DCT: variants seen among roughly 807,000 people sequenced by gnomAD.
The protein encoded by DCT is L-dopachrome tautomerase.
DCT carries 47 observed loss-of-function variants against 53.0 expected under a neutral mutation model. The observed-to-expected ratio is 0.89, with a 90% confidence interval of 0.70 to 1.13. The LOEUF is 1.13. Ranked by LOEUF, DCT falls within the 50% of genes most tolerant of loss-of-function variation. The pLI is 0.00. For synonymous variants in DCT, 244 were observed against 237.0 expected (o/e 1.03, Z -0.27); for missense variants, 669 against 637.4 (o/e 1.05, Z -0.53).
intron 4 of DCT, among the ~76,000 whole-genome samples, chr13:94,463,269 TG>T (rs937595905): frequency 1.3e-4 from 19 of 150,606 alleles, no homozygotes; most frequent in African/African-American, 4.7e-4. Context: ...CCCCAGTAGC[TG>T]GGACTACTGG....
chr13:94,445,388 T>A (rs1882648841), intron 6 of DCT, among the ~76,000 whole-genome samples: 1 of 152,224 alleles, frequency 6.6e-6, no homozygotes, highest in African/African-American at 2.4e-5. Context: ...CCAGCTGTCC[T>A]GAGGCAGCCA....
At chr13:94,541,628 A>G in the DCT span, among the ~76,000 whole-genome samples, 1 of 152,222 alleles carries the variant, frequency 6.6e-6, no homozygotes, top group Admixed American at 6.5e-5. Flanking sequence ...AAAAACTGCA[A>G]TTACTTCTGC....
Position 94,465,789 on chromosome 13 carries a change from C to T in DCT, c.707G>A (p.Gly236Asp), listed in dbSNP as rs759890417. 2.5e-6 allele frequency: 4 copies of T among 1,609,306 alleles called. No individual in the cohort carries two copies. The East Asian group carries it at 9.0e-5, about 36-fold the overall frequency. ...CLERDLQRLI[G>D]NESFALPYWN... ...GTAGGGCAAAGCAAAAGACTCATTG[C>T]CAATGAGTCGCTAAAAGCAAAGGGC... Residue 236 changes from glycine (G) to aspartate (D), a missense_variant, in exon 4 of 8, where the codon GGC (glycine) becomes GAC (aspartate). Coordinates refer to ENST00000377028, the MANE Select transcript of DCT (RefSeq NM_001922.5).
chr13:94,441,548 A>G (rs770602088), intron 7 of DCT, among the ~76,000 whole-genome samples: 2 of 152,058 alleles, frequency 1.3e-5, no homozygotes, highest in African/African-American at 4.8e-5. Context: ...CCTGGTAACC[A>G]GGGGTCTCTA....
chr13:94,456,395 C>CT (rs1883416900), intron 6 of DCT, among the ~76,000 whole-genome samples: 1 of 152,048 alleles, frequency 6.6e-6, no homozygotes. Flanking sequence ...TTCATAGCTC[C>CT]TTTTTTTGTA....
chr13:94,530,188 C>T, the DCT span, among the ~76,000 whole-genome samples: 17 of 152,304 alleles, frequency 1.1e-4, no homozygotes, highest in South Asian at 2.1e-4. Flanking sequence ...GATGGATACA[C>T]AGCCGAATTC....
At chr13:94,469,076 AG>A (rs767470872) in intron 1 of DCT, 31 bp from the exon 2 acceptor site, 2 of 1,580,544 alleles carry the variant, frequency 1.3e-6, no homozygotes. Flanking sequence ...ATGGAAAGGA[AG>A]GGGGTTTATG....
chr13:94,475,979 G>A (rs566895541), intron 1 of DCT, among the ~76,000 whole-genome samples: 11 of 152,268 alleles, frequency 7.2e-5, no homozygotes, highest in Admixed American at 6.5e-4. Context: ...CAGATCACGG[G>A]GGGAGGTGAG....
At chr13:94,513,519 A>T in the DCT span, among the ~76,000 whole-genome samples, 1 of 152,164 alleles carries the variant, frequency 6.6e-6, no homozygotes. Context: ...TATATGAAAC[A>T]ATGGGCAGCA....
the DCT span, among the ~76,000 whole-genome samples, chr13:94,516,874 A>C: frequency 1.4e-4 from 22 of 152,322 alleles, 1 homozygote; most frequent in East Asian, 1.9e-3. Flanking sequence ...TAAATTACCC[A>C]GTTTCAGGTA....
chr13:94,549,231 A>G, the DCT span, among the ~76,000 whole-genome samples: 1 of 152,202 alleles, frequency 6.6e-6, no homozygotes, highest in Non-Finnish European at 1.5e-5. Flanking sequence ...TCAAATTCGG[A>G]TACTTAGAAG....
At chr13:94,501,285 T>TA in the DCT span, among the ~76,000 whole-genome samples, 1 of 151,870 alleles carries the variant, frequency 6.6e-6, no homozygotes, top group African/African-American at 2.4e-5. Flanking sequence ...ATAAATAAAT[T>TA]AATTAATTAA....
At chr13:94,489,431 C>T in the DCT span, among the ~76,000 whole-genome samples, 1 of 152,162 alleles carries the variant, frequency 6.6e-6, no homozygotes, top group African/African-American at 2.4e-5. Flanking sequence ...GATTCCTCAT[C>T]TGTAAACCCA....
chr13:94,479,604 A>G lies in DCT; in HGVS notation c.-349T>C, dbSNP rs117052570. 2.4e-3 allele frequency: 477 copies of G among 197,514 alleles called. 10 individuals are homozygous for G. In the Middle Eastern group the frequency reaches 0.026, roughly 11 times the overall value. The allele number at this position is 197,514 out of a possible 1,614,324, so 12.2% of individuals were successfully genotyped here. A position where few individuals can be genotyped will look rare whatever the true frequency, so the allele number is the denominator to read the frequency against. On this transcript the variant is annotated 5_prime_UTR_variant, in exon 1 of 8. It removes an upstream start codon present in the reference 5' UTR. Transcript: ENST00000377028. The stretch of plus-strand genomic sequence containing the variant: ...GAGTTAATTTACAGAGCACCCAGTC[A>G]TACTACTTATTATGCTGGTATTTCT...
At chr13:94,492,057 A>G in the DCT span, among the ~76,000 whole-genome samples, 1 of 152,132 alleles carries the variant, frequency 6.6e-6, no homozygotes, top group African/African-American at 2.4e-5. Context: ...GGGGTGAGTA[A>G]AACATGAGAT....
At position 94,443,506 on chromosome 13, in the gene DCT, A is replaced by G; in HGVS notation, c.1311T>C (p.Pro437=). 6.2e-7 allele frequency: 1 copy of G among 1,614,034 alleles called. No individual in the cohort carries two copies. ...AAAAGAGTTCTTCATTAGTCACTGGAGGGAAGAAAGGAACCATGTTGTACA... is the reference window on the plus strand; with the variant it reads ...AAAAGAGTTCTTCATTAGTCACTGGGGGGAAGAAAGGAACCATGTTGTACA... ...NRMYNMVPFF[P]PVTNEELFLT... is the part of the protein sequence containing the mutation. The change falls in exon 7 of 8, where the codon CCT becomes CCC. Residue 437 remains proline, a synonymous_variant. Coordinates refer to ENST00000377028, the MANE Select transcript of DCT (RefSeq NM_001922.5).
chr13:94,474,195 T>C (rs1262636749), intron 1 of DCT, among the ~76,000 whole-genome samples: 2 of 152,142 alleles, frequency 1.3e-5, no homozygotes, highest in Non-Finnish European at 2.9e-5. Context: ...GAGTATGTCC[T>C]TCAGTGAAAA....
At chr13:94,549,325 AC>A in the DCT span, among the ~76,000 whole-genome samples, 1 of 152,180 alleles carries the variant, frequency 6.6e-6, no homozygotes, top group African/African-American at 2.4e-5. Flanking sequence ...CGGGTCTCAC[AC>A]CAGCCCCCCA....
upstream of DCT, among the ~76,000 whole-genome samples, chr13:94,482,961 G>T (rs1476235588): frequency 6.6e-6 from 1 of 152,124 alleles, no homozygotes; most frequent in Admixed American, 6.5e-5. Context: ...TTCTAAGGGT[G>T]AGGAAATTCT....
Sources: gnomAD v4.1 joint callset for allele counts (sites outside exome capture counted in the v4.1 genomes callset) on GRCh38, gnomAD v4.1.1 for gene constraint, MANE v1.5 for transcripts, NCBI Gene and HGNC (gene_info 2026-07-23, HGNC 2026-07-21) for gene names.